Variants in GATD1 observed in about 807,000 individuals in gnomAD.
GATD1 encodes the protein glutamine amidotransferase class 1 domain containing 1.
Under a neutral mutation model 25.9 loss-of-function variants are expected in GATD1, and 23 were observed. The ratio of observed to expected loss-of-function variants is 0.89; its 90% CI spans 0.64 to 1.26. GATD1 has a LOEUF of 1.26. GATD1 is among the 50% of genes most tolerant of loss of function. GATD1 has a pLI of 0.00. For missense variants in GATD1, 347 were observed against 312.5 expected, an observed-to-expected ratio of 1.11 and a Z score of -0.83; for synonymous variants, 177 against 134.6, an observed-to-expected ratio of 1.31 and a Z score of -2.18.
rs1863230837 is a variant in GATD1, at chr11:769,250, A to C, written c.*1647T>G. On this transcript the variant is annotated 3_prime_UTR_variant, in exon 8 of 8. Transcript: ENST00000319863. Reference sequence around the variant, plus strand: ...GAGGCACTGGAGGGACGCAGCCTTCAGGGCGGGGATGTGGCTGCAGCGCTT... The same window carrying C: ...GAGGCACTGGAGGGACGCAGCCTTCCGGGCGGGGATGTGGCTGCAGCGCTT... 1 of 985,336 alleles carries C rather than the reference A, an allele frequency of 1.0e-6. No homozygotes were observed. Among genetic ancestry groups the C allele is most frequent in the Non-Finnish European group, 1.2e-6 (1 of 829,942 alleles). The allele number at this position is 985,336 out of a possible 1,614,324, so 61.0% of individuals were successfully genotyped here.
In GATD1 at chr11:767,256, G is replaced by A. The variant is rs1863100108; in HGVS notation, c.*3641C>T. ...TGCTGCATGGTTTTATTCCTCATGG[G>A]TAGATGAACACACACTGGTATATGG... On this transcript the variant is annotated 3_prime_UTR_variant, in exon 8 of 8. Transcript: ENST00000319863. The A allele has an allele frequency of 1.3e-6, 2 of 1,536,148 alleles. No individual in the cohort carries two copies. Among genetic ancestry groups the A allele is most frequent in the African/African-American group, 1.4e-5 (1 of 73,178 alleles).
chr11:767,672 G>A lies in GATD1; in HGVS notation c.*3225C>T, dbSNP rs1863129746. 8.2e-7 allele frequency: 1 copy of A among 1,221,768 alleles called. No homozygotes were observed. Among genetic ancestry groups the A allele is most frequent in the Non-Finnish European group, 1.0e-6 (1 of 971,754 alleles). The allele number at this position is 1,221,768 out of a possible 1,614,324, so 75.7% of individuals were successfully genotyped here. Reference sequence around the variant, plus strand: ...CTGCTTAAGTCCTCACCTGCAAGGGGATGGTATTAGGTGGGGCATTTGGGA... The same window carrying A: ...CTGCTTAAGTCCTCACCTGCAAGGGAATGGTATTAGGTGGGGCATTTGGGA... On this transcript the variant is annotated 3_prime_UTR_variant, in exon 8 of 8. Transcript: ENST00000319863.
In GATD1 at chr11:775,078, C is replaced by G; in HGVS notation, c.129G>C (p.Val43=). ...TMASTAFNLQ[V]ATPGGKAMEF... ...AGGCTGGACTTACCCCAGGGGTGGC[C>G]ACCTGCAGGTTGAAGGCGGTGCTGG... Residue 43 remains valine (V), a synonymous_variant, in exon 2 of 8, where the codon GTG becomes GTC. Coordinates refer to ENST00000319863, the MANE Select transcript of GATD1 (RefSeq NM_182612.4). 2 of 1,603,924 alleles carry G rather than the reference C, an allele frequency of 1.2e-6. No individual in the cohort carries two copies. Among genetic ancestry groups the G allele is most frequent in the East Asian group, 4.5e-5 (2 of 44,498 alleles).
intron 3 of GATD1, 55 bp downstream of exon 3, chr11:773,953 T>C (rs1374697701): frequency 2.0e-6 from 3 of 1,528,208 alleles, no homozygotes; most frequent in African/African-American, 2.7e-5. Context: ...TCTGGAACCC[T>C]TGACCCTCCA....
Position 774,088 on chromosome 11 carries a change from A to G in GATD1, c.167T>C (p.Val56Ala), listed in dbSNP as rs1220978691. Reference protein sequence around the residue: ...PGGKAMEFVDVTESNARWVQD... With the variant: ...PGGKAMEFVDATESNARWVQD... Reference sequence around the variant, plus strand: ...CACCCAGCGTGCATTGCTCTCAGTCACATCCACAAATTCCATGGCTTTCCC... The same window carrying G: ...CACCCAGCGTGCATTGCTCTCAGTCGCATCCACAAATTCCATGGCTTTCCC... The change falls in exon 3 of 8, where the codon GTG (valine) becomes GCG (alanine). Residue 56 changes from valine (V) to alanine (A), a missense_variant. Val to Ala is a moderately conservative substitution (Grantham distance 64, BLOSUM62 0). Transcript: ENST00000319863. 1.2e-6 allele frequency: 2 copies of G among 1,613,562 alleles called. No individual in the cohort carries two copies. The highest frequency in any genetic ancestry group is 1.7e-6 in the Non-Finnish European group (2 of 1,179,976).
At chr11:771,509 G>C in intron 5 of GATD1, 83 bp from the exon 6 acceptor site, 1 of 1,449,358 alleles carries the variant, frequency 6.9e-7, no homozygotes, top group East Asian at 2.4e-5. Flanking sequence ...AGTCAGGGCA[G>C]GGAGCCTCAC....
At position 769,068 on chromosome 11, in the gene GATD1, T is replaced by C; in HGVS notation, c.*1829A>G. On this transcript the variant is annotated 3_prime_UTR_variant, in exon 8 of 8. Transcript: ENST00000319863. ...GTGAGCCAAGATTGTGCCACTGCAC[T>C]CCAGCCTGGGTGACGAGAGACAAAC... 1.1e-6 allele frequency: 1 copy of C among 928,744 alleles called. No homozygotes were observed. Among genetic ancestry groups the C allele is most frequent in the Non-Finnish European group, 1.3e-6 (1 of 778,728 alleles). 57.5% of individuals were successfully genotyped at this position (928,744 alleles called of 1,614,324 possible).
chr11:769,173 G>A lies in GATD1; in HGVS notation c.*1724C>T. On this transcript the variant is annotated 3_prime_UTR_variant, in exon 8 of 8. Transcript: ENST00000319863. ...CACACGGGGATGAGAGTGGACCCGG[G>A]ACAGAGCAAGGCCCCGTGGCCAGTG... The A allele has an allele frequency of 1.0e-6, 1 of 985,448 alleles. No individual in the cohort carries two copies. The highest frequency in any genetic ancestry group is 1.2e-6 in the Non-Finnish European group (1 of 829,952). The allele number at this position is 985,448 out of a possible 1,614,324, so 61.0% of individuals were successfully genotyped here.
chr11:771,189 A>G (rs1460193118), intron 6 of GATD1, 85 bp from the exon 7 acceptor site: 6 of 1,544,644 alleles, frequency 3.9e-6, no homozygotes, highest in Non-Finnish European at 5.2e-6. Flanking sequence ...TCCCAGGGTC[A>G]GCAGTAGGTC....
At chr11:772,363 C>T (rs1863532273) in intron 5 of GATD1, 64 bp downstream of exon 5, 1 of 1,124,712 alleles carries the variant, frequency 8.9e-7, no homozygotes, top group East Asian at 2.3e-5. Context: ...CCGACCTCAC[C>T]TCTGGCTGTG....
chr11:772,086 C>T (rs1051197278), intron 5 of GATD1, among the ~76,000 whole-genome samples: 4 of 152,214 alleles, frequency 2.6e-5, no homozygotes, highest in Admixed American at 6.5e-5. Context: ...CTCAGCCCCT[C>T]CTGACTGCAC....
Position 773,918 on chromosome 11 carries a change from GGAGCTCACTAA to G in GATD1, c.247+79_247+89del. ...CACAGGGCTTCAGGGGCTGAGCTAGGGAGCTCACTAAGACCCCAAACCTATCTGGAACCCTT... is the reference window on the plus strand; with the variant it reads ...CACAGGGCTTCAGGGGCTGAGCTAGGGACCCCAAACCTATCTGGAACCCTT... On this transcript the variant is annotated intron_variant, in intron 3 of 7. Transcript: ENST00000319863. 4.4e-6 allele frequency: 5 copies of G among 1,133,966 alleles called. No individual in the cohort carries two copies. In the African/African-American group the frequency reaches 6.2e-5, roughly 14 times the overall value. 70.2% of individuals were successfully genotyped at this position (1,133,966 alleles called of 1,614,324 possible).
In GATD1 at chr11:770,001, C is replaced by A; in HGVS notation, c.*896G>T. The A allele has an allele frequency of 9.5e-7, 1 of 1,054,336 alleles. No homozygotes were observed. Among genetic ancestry groups the A allele is most frequent in the Non-Finnish European group, 1.1e-6 (1 of 875,328 alleles). 65.3% of individuals were successfully genotyped at this position (1,054,336 alleles called of 1,614,324 possible). ...CGCTGGTGCTTGGGAACGGCTGTGG[C>A]TGAGACGGGGAGGTGGGCAGGAAGA... On this transcript the variant is annotated 3_prime_UTR_variant, in exon 8 of 8. Transcript: ENST00000319863.
At chr11:773,157 A>C (rs1863615996) in intron 4 of GATD1, among the ~76,000 whole-genome samples, 1 of 152,198 alleles carries the variant, frequency 6.6e-6, no homozygotes. Flanking sequence ...GGCAGCTGCC[A>C]GGTCTCCTCA....
At chr11:773,747 G>A (rs765593702) in intron 3 of GATD1, 118 bp from the exon 4 acceptor site, 58 of 777,342 alleles carry the variant, frequency 7.5e-5, no homozygotes, top group Non-Finnish European at 1.1e-4. Flanking sequence ...GCCTGGTGAT[G>A]TCATCTGTCC....
At chr11:777,116 G>A (rs985278570) in intron 1 of GATD1, 3 of 266,866 alleles carry the variant, frequency 1.1e-5, no homozygotes, top group Non-Finnish European at 2.1e-5. Flanking sequence ...CCGGGCAGAC[G>A]AGACTCGGAG....
intron 1 of GATD1, 143 bp downstream of exon 1, chr11:777,256 C>T (rs1481496900): frequency 1.7e-4 from 77 of 440,432 alleles, no homozygotes; most frequent in Admixed American, 3.1e-4. Context: ...CCGCTCCGCC[C>T]TCCCCCGGCC....
chr11:774,429 G>A (rs959310243), intron 2 of GATD1, among the ~76,000 whole-genome samples: 3 of 152,250 alleles, frequency 2.0e-5, no homozygotes, highest in Admixed American at 2.0e-4. Context: ...GGTCCCCCAC[G>A]ATCAGAGGGT....
At chr11:772,631 C>T (rs1279668417) in intron 4 of GATD1, 110 bp from the exon 5 acceptor site, 1 of 992,668 alleles carries the variant, frequency 1.0e-6, no homozygotes, top group Non-Finnish European at 1.5e-6. Flanking sequence ...CCTGCCTGGC[C>T]CCTCCTCCCA....
Sources: allele counts gnomAD v4.1 joint callset (sites outside exome capture counted in the v4.1 genomes callset), GRCh38; gene constraint gnomAD v4.1.1; transcripts MANE v1.5; gene names NCBI Gene and HGNC (gene_info 2026-07-23, HGNC 2026-07-21).